HS3ST2: variants seen among roughly 807,000 people sequenced by gnomAD.
HS3ST2 encodes the protein heparan sulfate glucosamine 3-O-sulfotransferase 2.
Under a neutral mutation model 26.3 loss-of-function variants are expected in HS3ST2, and 17 were observed. The observed-to-expected ratio is 0.65, with a 90% confidence interval of 0.44 to 0.97. The LOEUF is 0.97. Among genes scored for constraint, HS3ST2 ranks in the 50% least tolerant of loss-of-function variants. The pLI, the probability that HS3ST2 is intolerant of heterozygous loss-of-function variation, is 0.00. For synonymous variants in HS3ST2, 237 were observed against 219.2 expected (o/e 1.08, Z -0.72); for missense variants, 402 against 501.2 (o/e 0.80, Z 1.89).
chr16:22,818,752 C>T, intron 1 of HS3ST2, among the ~76,000 whole-genome samples: 1 of 54,992 alleles, frequency 1.8e-5, no homozygotes, highest in Non-Finnish European at 3.4e-5. Flanking sequence ...TTCCTTCCTT[C>T]CTTCCTTCAT....
chr16:22,820,748 A>G (rs558493479), intron 1 of HS3ST2, among the ~76,000 whole-genome samples: 10 of 152,252 alleles, frequency 6.6e-5, no homozygotes, highest in Admixed American at 3.3e-4. Flanking sequence ...AAACCCTATC[A>G]CTTGTTACAG....
intron 1 of HS3ST2, among the ~76,000 whole-genome samples, chr16:22,840,331 G>A (rs746530964): frequency 2.0e-5 from 3 of 152,054 alleles, no homozygotes; most frequent in Non-Finnish European, 4.4e-5. Flanking sequence ...CATATTCTTT[G>A]CTGGGTAAAG....
At chr16:22,835,622 C>G (rs1422237946) in intron 1 of HS3ST2, among the ~76,000 whole-genome samples, 2 of 152,142 alleles carry the variant, frequency 1.3e-5, no homozygotes, top group East Asian at 1.9e-4. Context: ...CTCTCCACTT[C>G]TATGTTCCTC....
intron 1 of HS3ST2, among the ~76,000 whole-genome samples, chr16:22,838,880 T>C (rs576634236): frequency 2.6e-5 from 4 of 152,190 alleles, no homozygotes; most frequent in African/African-American, 9.6e-5. Flanking sequence ...TTGGATCTCA[T>C]TACCTTCCTT....
chr16:22,833,626 C>A (rs1411366572), intron 1 of HS3ST2, among the ~76,000 whole-genome samples: 2 of 152,086 alleles, frequency 1.3e-5, no homozygotes, highest in Admixed American at 1.3e-4. Flanking sequence ...TTATTTCCTA[C>A]CATTTTTCCA....
chr16:22,852,578 T>C (rs1901532669), intron 1 of HS3ST2, among the ~76,000 whole-genome samples: 1 of 152,182 alleles, frequency 6.6e-6, no homozygotes, highest in African/African-American at 2.4e-5. Context: ...CCTCAAGCTT[T>C]GTGTCATCCT....
chr16:22,910,616 T>C (rs1902413838), intron 1 of HS3ST2, among the ~76,000 whole-genome samples: 1 of 152,228 alleles, frequency 6.6e-6, no homozygotes, highest in Non-Finnish European at 1.5e-5. Context: ...GTTTTTTAAT[T>C]GTCTACTCAA....
chr16:22,840,948 A>C (rs918481604), intron 1 of HS3ST2, among the ~76,000 whole-genome samples: 6 of 150,456 alleles, frequency 4.0e-5, no homozygotes, highest in Admixed American at 1.3e-4. Context: ...ATATCTCCTA[A>C]TGCTATTCCT....
At chr16:22,857,396 C>T (rs770015326) in intron 1 of HS3ST2, among the ~76,000 whole-genome samples, 15 of 152,158 alleles carry the variant, frequency 9.9e-5, no homozygotes, top group Admixed American at 5.2e-4. Context: ...TTCACTGTAG[C>T]CTCTCGATGA....
chr16:22,839,612 G>C (rs890155040), intron 1 of HS3ST2, among the ~76,000 whole-genome samples: 17 of 151,108 alleles, frequency 1.1e-4, no homozygotes, highest in South Asian at 4.2e-4. Flanking sequence ...TCAGGATATT[G>C]TATGCTTTTT....
intron 1 of HS3ST2, among the ~76,000 whole-genome samples, chr16:22,847,770 G>GA (rs1476109827): frequency 6.8e-6 from 1 of 147,316 alleles, no homozygotes; most frequent in Non-Finnish European, 1.5e-5. Flanking sequence ...AATAGGGAGA[G>GA]AAAGAGAAAG....
At chr16:22,830,776 C>T (rs754056323) in intron 1 of HS3ST2, among the ~76,000 whole-genome samples, 13 of 152,166 alleles carry the variant, frequency 8.5e-5, no homozygotes, top group Non-Finnish European at 1.6e-4. Context: ...TCCCATCCTT[C>T]AGTCATTTTT....
At chr16:22,887,626 T>C (rs910143374) in intron 1 of HS3ST2, among the ~76,000 whole-genome samples, 1 of 152,170 alleles carries the variant, frequency 6.6e-6, no homozygotes, top group East Asian at 1.9e-4. Flanking sequence ...CAGACACGAT[T>C]GGTGCTTGGC....
intron 1 of HS3ST2, among the ~76,000 whole-genome samples, chr16:22,902,128 A>G (rs961923510): frequency 6.6e-6 from 1 of 152,230 alleles, no homozygotes; most frequent in Non-Finnish European, 1.5e-5. Context: ...AAATAGGGAC[A>G]TATTAAACTT....
intron 1 of HS3ST2, among the ~76,000 whole-genome samples, chr16:22,836,391 G>T (rs1901254929): frequency 6.6e-6 from 1 of 152,108 alleles, no homozygotes; most frequent in African/African-American, 2.4e-5. Flanking sequence ...CTTCTGGGAG[G>T]CCTCAGGAAA....
At chr16:22,902,997 T>C (rs141463848) in intron 1 of HS3ST2, among the ~76,000 whole-genome samples, 95 of 152,284 alleles carry the variant, frequency 6.2e-4, no homozygotes, top group African/African-American at 2.2e-3. Context: ...CTGCAGATAT[T>C]TTTCCAATTA....
Position 22,896,665 on chromosome 16 carries a change from A to C in HS3ST2, c.486-18279A>C, listed in dbSNP as rs1194671754. Among the ~76,000 whole-genome samples, 3 of 152,170 alleles carry C rather than the reference A, an allele frequency of 2.0e-5. No individual in the cohort carries two copies. In the East Asian group the frequency reaches 5.8e-4, roughly 29 times the overall value. ...TTCTGCTCTTTACTGCTGTCAGCGT[A>C]GTTGTGTTTCTTTTTTATTCTTTTT... is the stretch of plus-strand genomic sequence containing the variant. On this transcript the variant is annotated intron_variant, in intron 1 of 1. Transcript: ENST00000261374.
intron 1 of HS3ST2, among the ~76,000 whole-genome samples, chr16:22,907,829 G>T (rs778180677): frequency 3.9e-5 from 6 of 152,262 alleles, no homozygotes; most frequent in Admixed American, 2.6e-4. Context: ...GGTCATCCAG[G>T]AGGATCACAT....
intron 1 of HS3ST2, among the ~76,000 whole-genome samples, chr16:22,824,853 G>T (rs1901059284): frequency 6.6e-6 from 1 of 152,172 alleles, no homozygotes; most frequent in African/African-American, 2.4e-5. Flanking sequence ...ACCTCAGGGT[G>T]CTCCCTAGCC....
Sources: gnomAD v4.1 joint callset for allele counts (sites outside exome capture counted in the v4.1 genomes callset) on GRCh38, gnomAD v4.1.1 for gene constraint, MANE v1.5 for transcripts, NCBI Gene and HGNC (gene_info 2026-07-23, HGNC 2026-07-21) for gene names.